Variants in SRPX observed in about 807,000 individuals in gnomAD.
The protein encoded by SRPX is sushi repeat containing protein X-linked, also known as sushi repeat-containing protein SRPX.
Under a neutral mutation model 38.1 loss-of-function variants are expected in SRPX, and 24 were observed. The ratio of observed to expected loss-of-function variants is 0.63; its 90% confidence interval spans 0.46 to 0.89. The LOEUF is 0.89. SRPX is among the 40% of genes least tolerant of loss of function. The probability of loss-of-function intolerance (pLI) is 0.00; values close to 1 mark genes in which losing one functional copy is unlikely to be tolerated. For synonymous variants in SRPX, 184 were observed against 153.8 expected, an observed-to-expected ratio of 1.20 and a Z score of -1.45; for missense variants, 416 against 377.8, an observed-to-expected ratio of 1.10 and a Z score of -0.84.
At chrX:38,175,234 C>T (rs749471563) in intron 2 of SRPX, among the ~76,000 whole-genome samples, 117 of 111,940 alleles carry the variant, frequency 1.0e-3, no homozygotes, top group Non-Finnish European at 1.7e-3. Context: ...TGAGGAGTTC[C>T]CTAAAGCCTG....
At chrX:38,220,095 T>G (rs1043963405) in intron 1 of SRPX, among the ~76,000 whole-genome samples, 3 of 113,247 alleles carry the variant, frequency 2.6e-5, no homozygotes, top group African/African-American at 9.6e-5. Context: ...GCTAATCAAG[T>G]GCATGCCACA....
intron 4 of SRPX, 95 bp downstream of exon 4, chrX:38,171,786 G>T: frequency 1.1e-6 from 1 of 934,305 alleles, no homozygotes; most frequent in Non-Finnish European, 1.5e-6. Flanking sequence ...AGGCCTTACA[G>T]GAGGAATAGT....
chrX:38,213,310 C>T (rs1418831685), intron 1 of SRPX, among the ~76,000 whole-genome samples: 1 of 112,039 alleles, frequency 8.9e-6, no homozygotes, highest in Non-Finnish European at 1.9e-5. Flanking sequence ...TGTGAATATT[C>T]TAAGACCATT....
intron 1 of SRPX, among the ~76,000 whole-genome samples, 177 bp from the exon 2 acceptor site, chrX:38,178,521 C>T (rs989337918): frequency 4.5e-5 from 5 of 111,860 alleles, no homozygotes; most frequent in Admixed American, 9.5e-5. Context: ...AGAGTGAAAC[C>T]GGCTGAGCTG....
intron 1 of SRPX, among the ~76,000 whole-genome samples, chrX:38,206,791 C>A (rs1939218824): frequency 1.8e-5 from 2 of 111,888 alleles, no homozygotes. Flanking sequence ...CTGCTGGGGA[C>A]TCTTCCTCCC....
At chrX:38,185,902 G>A (rs757948478) in intron 1 of SRPX, among the ~76,000 whole-genome samples, 1,183 of 105,083 alleles carry the variant, frequency 0.011, 9 homozygotes, top group Middle Eastern at 0.025. Context: ...AAAAAAAGGG[G>A]GGGGGGAGTG....
chrX:38,171,828 C>A, intron 4 of SRPX, 53 bp downstream of exon 4: 3 of 1,157,634 alleles, frequency 2.6e-6, no homozygotes, highest in Non-Finnish European at 3.5e-6. Flanking sequence ...GATGTGAACA[C>A]CCCCTGCTCC....
At chrX:38,156,049 T>C (rs1024921820) in intron 8 of SRPX, among the ~76,000 whole-genome samples, 1 of 112,459 alleles carries the variant, frequency 8.9e-6, no homozygotes, top group African/African-American at 3.2e-5. Flanking sequence ...AAATCAATAC[T>C]GTTCTAAGCA....
At position 38,149,653 on chromosome X, in the gene SRPX, C is replaced by T. The variant is rs759117810; in HGVS notation, c.*58G>A. 2.2e-5 allele frequency: 23 copies of T among 1,049,999 alleles called. No homozygotes were observed. In the South Asian group the frequency reaches 2.9e-4, roughly 13 times the overall value. The allele number at this position is 1,049,999 out of a possible 1,213,427, so 86.5% of individuals were successfully genotyped here. ...ATCAAGGATATTTTTAAGGCTTTCC[C>T]GTGTGCATGTCACTATGTAGACAAT... On this transcript the variant is annotated 3_prime_UTR_variant, in exon 10 of 10. Transcript: ENST00000378533.
intron 4 of SRPX, among the ~76,000 whole-genome samples, chrX:38,169,510 CA>C (rs1241629259): frequency 1.3e-4 from 14 of 111,414 alleles, no homozygotes; most frequent in Non-Finnish European, 2.4e-4. Flanking sequence ...AATAAGTGAG[CA>C]AAAAATAAAA....
intron 8 of SRPX, among the ~76,000 whole-genome samples, chrX:38,156,509 T>C (rs888311065): frequency 2.7e-5 from 3 of 111,736 alleles, no homozygotes; most frequent in Non-Finnish European, 5.6e-5. Context: ...TAAGAAAAAA[T>C]GGCTGTCACC....
At position 38,172,107 on chromosome X, in the gene SRPX, G is replaced by A. The variant is rs778057483; in HGVS notation, c.350-50C>T. ...CAGCATTTCTTAGTTTTTGTCTATA[G>A]AGTTTCATTTCAGAGTCTAGAAACT... On this transcript the variant is annotated intron_variant, in intron 3 of 9. Transcript: ENST00000378533. The A allele has an allele frequency of 2.6e-6, 3 of 1,150,773 alleles. No individual in the cohort carries two copies. The Admixed American group carries it at 6.8e-5, about 26-fold the overall frequency. 94.8% of individuals were successfully genotyped at this position (1,150,773 alleles called of 1,213,427 possible).
intron 1 of SRPX, among the ~76,000 whole-genome samples, chrX:38,210,178 C>T (rs1214188827): frequency 1.8e-5 from 2 of 112,066 alleles, no homozygotes; most frequent in Non-Finnish European, 3.8e-5. Context: ...TTCCCACATA[C>T]CCAGCTTGTG....
At chrX:38,188,536 G>A (rs1167105070) in intron 1 of SRPX, among the ~76,000 whole-genome samples, 1 of 112,121 alleles carries the variant, frequency 8.9e-6, no homozygotes, top group Non-Finnish European at 1.9e-5. Context: ...TTATATAGGT[G>A]TATGTGTGGT....
chrX:38,152,300 A>C (rs1938031895), intron 9 of SRPX, among the ~76,000 whole-genome samples: 1 of 112,330 alleles, frequency 8.9e-6, no homozygotes, highest in Non-Finnish European at 1.9e-5. Context: ...CACCTGAGTG[A>C]TCATTTCTGT....
intron 4 of SRPX, among the ~76,000 whole-genome samples, chrX:38,168,649 A>AG (rs969176477): frequency 8.9e-6 from 1 of 112,180 alleles, no homozygotes; most frequent in African/African-American, 3.2e-5. Context: ...GTTCTTTTCA[A>AG]GGGGGCATAG....
chrX:38,156,399 G>A (rs1318649271), intron 8 of SRPX, among the ~76,000 whole-genome samples: 1 of 111,653 alleles, frequency 9.0e-6, no homozygotes, highest in Non-Finnish European at 1.9e-5. Flanking sequence ...GACACAGTAG[G>A]TCTGGGAGGG....
chrX:38,171,903 G>T lies in SRPX; in HGVS notation c.504C>A (p.Ser168Arg), dbSNP rs148318090. Reference protein sequence around the residue: ...TVTCMDNKAWSGRPASCVDME... With the variant: ...TVTCMDNKAWRGRPASCVDME... ...TACCCACACAGGAGGCTGGCCGGCCGCTCCAGGCCTTGTTGTCCATACATG... is the reference window on the plus strand; with the variant it reads ...TACCCACACAGGAGGCTGGCCGGCCTCTCCAGGCCTTGTTGTCCATACATG... Residue 168 changes from serine to arginine, a missense_variant, in exon 4 of 10, where the codon AGC becomes AGA. By Grantham distance (110) the Ser-to-Arg change is moderately radical. Transcript: ENST00000378533. 6.1e-5 allele frequency: 74 copies of T among 1,209,509 alleles called. No individual in the cohort carries two copies. The highest frequency in any genetic ancestry group is 5.9e-5 in the Non-Finnish European group (53 of 895,094).
rs780849405 is a variant in SRPX at position 38,149,854 on chromosome X, G to A, written c.1252C>T (p.Leu418=). The A allele has an allele frequency of 8.3e-7, 1 of 1,210,042 alleles. No individual in the cohort carries two copies. Among genetic ancestry groups the A allele is most frequent in the Non-Finnish European group, 1.1e-6 (1 of 894,868 alleles). The change falls in exon 10 of 10, where the codon CTA becomes TTA. Residue 418 remains leucine, a synonymous_variant. Coordinates refer to ENST00000378533, the MANE Select transcript of SRPX (RefSeq NM_006307.5). ...RIPLYSFSMV[L]VDKHGMDKER... ...TTGTCCATGCCATGCTTATCCACTA[G>A]CACCATACTGAAGGAGTAGAGTGGG...
Sources: allele counts gnomAD v4.1 joint callset (sites outside exome capture counted in the v4.1 genomes callset), GRCh38; gene constraint gnomAD v4.1.1; transcripts MANE v1.5; gene names NCBI Gene and HGNC (gene_info 2026-07-23, HGNC 2026-07-21).